The following C10orf67 variants were observed in gnomAD, a reference collection of about 807,000 sequenced individuals.
C10orf67 encodes chromosome 10 open reading frame 67.
In C10orf67, 60 loss-of-function variants were observed where a neutral mutation model predicts 35.6. The observed-to-expected ratio is 1.68, with a 90% CI of 1.37 to 2.09. C10orf67 has a LOEUF of 2.09. Ranked by LOEUF, C10orf67 falls within the 30% of genes most tolerant of loss-of-function variation. The probability of loss-of-function intolerance (pLI) is 0.00; values close to 1 mark genes in which losing one functional copy is unlikely to be tolerated. For synonymous variants in C10orf67, 167 were observed against 115.8 expected (o/e 1.44, Z -2.84); for missense variants, 474 against 330.2 (o/e 1.44, Z -3.38).
intron 1 of C10orf67, chr10:23,343,951 A>C (rs1262315167): frequency 2.1e-6 from 1 of 466,244 alleles, no homozygotes; most frequent in Admixed American, 2.4e-5. Context: ...GAGGCCCTCC[A>C]TGATCTTCCG....
intron 2 of C10orf67, among the ~76,000 whole-genome samples, chr10:23,329,415 C>A (rs949546001): frequency 6.6e-6 from 1 of 151,920 alleles, no homozygotes; most frequent in African/African-American, 2.4e-5. Context: ...AACAAAATAA[C>A]AATAGCAATA....
At chr10:23,261,144 CT>C (rs1588626251) in intron 10 of C10orf67, among the ~76,000 whole-genome samples, 1 of 152,088 alleles carries the variant, frequency 6.6e-6, no homozygotes, top group East Asian at 1.9e-4. Flanking sequence ...TAGATAACTT[CT>C]TTTTCTTTTA....
At chr10:23,330,676 G>T (rs570866633) in intron 2 of C10orf67, among the ~76,000 whole-genome samples, 14 of 151,278 alleles carry the variant, frequency 9.3e-5, no homozygotes, top group Middle Eastern at 6.8e-3. Flanking sequence ...AGAGGCGGAG[G>T]TTGCAGTGAG....
chr10:23,329,518 G>A lies in C10orf67; in HGVS notation c.327+3544C>T, dbSNP rs368692609. 9.6e-4 allele frequency among the ~76,000 whole-genome samples: 146 copies of A among 152,006 alleles called. 1 individual carries two copies. The South Asian group carries it at 0.03, about 31-fold the overall frequency. ...TGAAGTATTCCAGAGAATAGACTAG[G>A]GAACACTTCTCATTTTATGAGGATA... On this transcript the variant is annotated intron_variant, in intron 2 of 15. Transcript: ENST00000636213.
At chr10:23,248,957 C>G (rs182190642) in intron 12 of C10orf67, among the ~76,000 whole-genome samples, 1 of 151,742 alleles carries the variant, frequency 6.6e-6, no homozygotes, top group Admixed American at 6.6e-5. Context: ...TAAACTCCAT[C>G]TCTACTAAAA....
At chr10:23,270,240 G>A (rs1388980430) in intron 8 of C10orf67, among the ~76,000 whole-genome samples, 8 of 152,188 alleles carry the variant, frequency 5.3e-5, no homozygotes, top group Admixed American at 3.9e-4. Flanking sequence ...AAGAAAAGCA[G>A]GGTGGGGTGA....
In C10orf67 at chr10:23,327,688, G is replaced by A. The variant is rs550785724; in HGVS notation, c.328-5151C>T. 9.2e-5 allele frequency among the ~76,000 whole-genome samples: 14 copies of A among 152,152 alleles called. 1 individual carries two copies. In the South Asian group the frequency reaches 2.9e-3, roughly 32 times the overall value. On this transcript the variant is annotated intron_variant, in intron 2 of 15. Transcript: ENST00000636213. ...AAAAATACAAAAATTATCCGGGCGT[G>A]GTGGCGTGCCCCTGTAATCCCAGCT...
intron 10 of C10orf67, among the ~76,000 whole-genome samples, chr10:23,255,607 T>A (rs559549646): frequency 1.8e-4 from 28 of 152,224 alleles, no homozygotes; most frequent in African/African-American, 5.8e-4. Context: ...AGAATACACA[T>A]CTATTAAACT....
chr10:23,330,902 C>T (rs1408972903), intron 2 of C10orf67, among the ~76,000 whole-genome samples: 1 of 151,616 alleles, frequency 6.6e-6, no homozygotes, highest in African/African-American at 2.4e-5. Context: ...ACAGTAGGAT[C>T]CATGCTCTAG....
At chr10:23,328,993 CAAAAAAA>C (rs57772405) in intron 2 of C10orf67, among the ~76,000 whole-genome samples, 12 of 78,732 alleles carry the variant, frequency 1.5e-4, no homozygotes, top group Non-Finnish European at 2.5e-4. Context: ...CATAAACGAA[CAAAAAAA>C]AAAAAAAAAA....
At chr10:23,289,252 C>T (rs532650069) in intron 7 of C10orf67, among the ~76,000 whole-genome samples, 8 of 152,300 alleles carry the variant, frequency 5.3e-5, no homozygotes, top group Middle Eastern at 3.4e-3. Flanking sequence ...CAGCCCCGAA[C>T]TTCTGAGCTT....
intron 5 of C10orf67, among the ~76,000 whole-genome samples, chr10:23,296,179 A>AG (rs1409549058): frequency 2.0e-5 from 3 of 151,138 alleles, no homozygotes; most frequent in East Asian, 3.9e-4. Flanking sequence ...TTCTATGTGT[A>AG]CTTTTTTTTT....
At chr10:23,292,943 T>C (rs1409235919) in intron 5 of C10orf67, among the ~76,000 whole-genome samples, 2 of 152,180 alleles carry the variant, frequency 1.3e-5, no homozygotes, top group South Asian at 2.1e-4. Context: ...TAATTTCTTG[T>C]CCCACATTGT....
chr10:23,305,880 T>C (rs1844255510), intron 4 of C10orf67, among the ~76,000 whole-genome samples: 2 of 152,120 alleles, frequency 1.3e-5, no homozygotes, highest in South Asian at 4.1e-4. Flanking sequence ...CATTCCTATG[T>C]TCATTACAGC....
At chr10:23,333,957 CAT>C (rs1225234552) in intron 1 of C10orf67, among the ~76,000 whole-genome samples, 1 of 152,116 alleles carries the variant, frequency 6.6e-6, no homozygotes, top group Non-Finnish European at 1.5e-5. Flanking sequence ...AGAAAGAGCA[CAT>C]GTTTCAGAAA....
chr10:23,250,340 GAAGTAT>G (rs1842415457), intron 12 of C10orf67, 109 bp downstream of exon 12: 1 of 394,996 alleles, frequency 2.5e-6, no homozygotes, highest in African/African-American at 2.1e-5. Flanking sequence ...ATTTCTTGTA[GAAGTAT>G]ATGAGGTGAT....
chr10:23,297,669 G>T (rs1437356820), intron 5 of C10orf67, among the ~76,000 whole-genome samples: 2 of 152,236 alleles, frequency 1.3e-5, no homozygotes, highest in Admixed American at 1.3e-4. Context: ...AGGTCCCCCT[G>T]AGCGGCATAG....
chr10:23,336,451 C>T (rs1845685049), intron 1 of C10orf67, among the ~76,000 whole-genome samples: 1 of 152,106 alleles, frequency 6.6e-6, no homozygotes, highest in Non-Finnish European at 1.5e-5. Context: ...AGAAGAATGG[C>T]ACTCCAGTAG....
At chr10:23,289,838 G>C in intron 7 of C10orf67, 62 bp downstream of exon 7, 1 of 705,224 alleles carries the variant, frequency 1.4e-6, no homozygotes, top group Non-Finnish European at 2.6e-6. Flanking sequence ...AGTGTTATTT[G>C]GCCAATTGCG....
Sources: allele counts gnomAD v4.1 joint callset (sites outside exome capture counted in the v4.1 genomes callset), GRCh38; gene constraint gnomAD v4.1.1; transcripts MANE v1.5; gene names NCBI Gene and HGNC (gene_info 2026-07-23, HGNC 2026-07-21).